Variants in ZDHHC14 observed in about 807,000 individuals in gnomAD.
ZDHHC14 encodes the protein zDHHC palmitoyltransferase 14.
A neutral mutation model predicts 47.7 loss-of-function variants in ZDHHC14; 16 were observed. That is an observed-to-expected ratio of 0.34 (90% CI 0.23 to 0.51). The LOEUF is 0.51. Ranked by LOEUF, ZDHHC14 falls within the 20% of genes least tolerant of loss-of-function variation. ZDHHC14 has a pLI of 0.97. For synonymous variants in ZDHHC14, 293 were observed against 278.9 expected (o/e 1.05, Z -0.50); for missense variants, 515 against 662.5 (o/e 0.78, Z 2.44).
chr6:157,448,801 C>T (rs539462663), intron 1 of ZDHHC14, among the ~76,000 whole-genome samples: 1 of 152,312 alleles, frequency 6.6e-6, no homozygotes, highest in South Asian at 2.1e-4. Context: ...GTCTCAAACT[C>T]CTGACCTCAA....
chr6:157,644,438 C>G (rs1777419150), intron 5 of ZDHHC14, among the ~76,000 whole-genome samples: 1 of 152,254 alleles, frequency 6.6e-6, no homozygotes, highest in Non-Finnish European at 1.5e-5. Flanking sequence ...TCCTGTGTCT[C>G]TCTGGTTCCC....
chr6:157,618,414 T>C (rs992480857), intron 3 of ZDHHC14, among the ~76,000 whole-genome samples: 1 of 152,060 alleles, frequency 6.6e-6, no homozygotes, highest in Non-Finnish European at 1.5e-5. Context: ...CTCCGCCTCC[T>C]GGGTTCAAGT....
At chr6:157,600,416 T>C (rs759936334) in intron 3 of ZDHHC14, among the ~76,000 whole-genome samples, 2 of 152,182 alleles carry the variant, frequency 1.3e-5, no homozygotes, top group Non-Finnish European at 2.9e-5. Context: ...TTTGATAAAA[T>C]GCGACATTTG....
At chr6:157,626,364 G>T (rs573842388) in intron 3 of ZDHHC14, among the ~76,000 whole-genome samples, 1 of 152,078 alleles carries the variant, frequency 6.6e-6, no homozygotes, top group Non-Finnish European at 1.5e-5. Flanking sequence ...TCAAAATGAT[G>T]GCCTCCAAGT....
intron 7 of ZDHHC14, among the ~76,000 whole-genome samples, chr6:157,649,464 C>T (rs566728350): frequency 4.6e-5 from 7 of 152,206 alleles, no homozygotes; most frequent in African/African-American, 1.2e-4. Flanking sequence ...CCCTCCCTCT[C>T]GTCCCCTCTT....
chr6:157,527,188 G>T (rs540224116), intron 1 of ZDHHC14, among the ~76,000 whole-genome samples: 1 of 152,238 alleles, frequency 6.6e-6, no homozygotes, highest in South Asian at 2.1e-4. Flanking sequence ...CTGCAACTGG[G>T]TGCCTGAAAG....
chr6:157,528,528 G>T (rs570796088), intron 1 of ZDHHC14, among the ~76,000 whole-genome samples: 1 of 151,928 alleles, frequency 6.6e-6, no homozygotes, highest in Non-Finnish European at 1.5e-5. Context: ...TCAGGAGATC[G>T]AGACCATCCT....
chr6:157,676,957 A>C lies in ZDHHC14; in HGVS notation c.*3835A>C, dbSNP rs1449399263. 6.6e-6 allele frequency: 1 copy of C among 152,246 alleles called. No individual in the cohort carries two copies. 9.4% of individuals were successfully genotyped at this position (152,246 alleles called of 1,614,324 possible). On this transcript the variant is annotated 3_prime_UTR_variant, in exon 9 of 9. Coordinates refer to ENST00000359775, the MANE Select transcript of ZDHHC14 (RefSeq NM_024630.3). ...GAGCTGCCCTTCATCCATCCACAAG[A>C]ATACATTGAGTTCATTTAGTTCTTG... is the stretch of plus-strand genomic sequence containing the variant.
intron 2 of ZDHHC14, among the ~76,000 whole-genome samples, chr6:157,569,868 TC>T (rs1361945327): frequency 6.6e-6 from 1 of 152,182 alleles, no homozygotes; most frequent in Non-Finnish European, 1.5e-5. Context: ...CTTTGTAGTT[TC>T]CAACTGTTTG....
chr6:157,448,827 C>T (rs1204690371), intron 1 of ZDHHC14, among the ~76,000 whole-genome samples: 1 of 152,218 alleles, frequency 6.6e-6, no homozygotes, highest in Non-Finnish European at 1.5e-5. Context: ...CTGCCCGCCT[C>T]GGCCTTCCAA....
intron 1 of ZDHHC14, among the ~76,000 whole-genome samples, chr6:157,519,935 C>T (rs1022015933): frequency 2.6e-5 from 4 of 152,130 alleles, no homozygotes; most frequent in Non-Finnish European, 5.9e-5. Flanking sequence ...AAGTGAATGC[C>T]CAGAATGCCC....
At chr6:157,566,332 A>C (rs1782901023) in intron 2 of ZDHHC14, among the ~76,000 whole-genome samples, 1 of 152,198 alleles carries the variant, frequency 6.6e-6, no homozygotes, top group African/African-American at 2.4e-5. Context: ...CTCTCAGTCC[A>C]CCAGAGCACG....
chr6:157,579,399 A>G (rs1026968750), intron 2 of ZDHHC14, among the ~76,000 whole-genome samples: 41 of 151,870 alleles, frequency 2.7e-4, no homozygotes, highest in Admixed American at 8.5e-4. Context: ...GGGTTTCACC[A>G]TGTTAGCCAG....
rs201363647 is a variant in ZDHHC14 at position 157,545,689 on chromosome 6, A to AG, written c.406+2945dup. Among the ~76,000 whole-genome samples the AG allele has an allele frequency of 7.2e-4, 109 of 151,280 alleles. No homozygotes were observed. The East Asian group carries it at 0.019, about 27-fold the overall frequency. On this transcript the variant is annotated intron_variant, in intron 2 of 8. Transcript: ENST00000359775. ...CTCCCCCTAAAAAAAGAAAAAAAAA[A>AG]GTAGAAGGAGGGTGGGAAGGGAGAG...
At chr6:157,540,906 G>GTATATATATATATATATATA (rs1470065372) in intron 1 of ZDHHC14, among the ~76,000 whole-genome samples, 39 of 127,058 alleles carry the variant, frequency 3.1e-4, no homozygotes, top group Non-Finnish European at 5.1e-4. Context: ...GTGTGTGTGT[G>GTATATATATATATATATATA]TGTGTATATA....
At chr6:157,477,549 TTTTG>T (rs1470708093) in intron 1 of ZDHHC14, among the ~76,000 whole-genome samples, 2 of 152,232 alleles carry the variant, frequency 1.3e-5, no homozygotes, top group Non-Finnish European at 2.9e-5. Flanking sequence ...ACCATCTATG[TTTTG>T]TTTTTCTTGG....
intron 3 of ZDHHC14, among the ~76,000 whole-genome samples, chr6:157,604,617 GGCT>G (rs36055740): frequency 0.29 from 44,312 of 151,366 alleles, 6,984 homozygotes; most frequent in East Asian, 0.57. Flanking sequence ...GCACGATCTC[GGCT>G]GCAACCTCCG....
chr6:157,548,821 C>T (rs1782095246), intron 2 of ZDHHC14, among the ~76,000 whole-genome samples: 1 of 152,210 alleles, frequency 6.6e-6, no homozygotes, highest in Admixed American at 6.5e-5. Flanking sequence ...CCAGCTTAAG[C>T]ACTTACCTGT....
At chr6:157,647,623 C>T (rs766587657) in intron 7 of ZDHHC14, among the ~76,000 whole-genome samples, 1 of 152,176 alleles carries the variant, frequency 6.6e-6, no homozygotes, top group Non-Finnish European at 1.5e-5. Context: ...GAGACAGATG[C>T]CTGTGGCCCT....
Sources: gnomAD v4.1 joint callset for allele counts (sites outside exome capture counted in the v4.1 genomes callset) on GRCh38, gnomAD v4.1.1 for gene constraint, MANE v1.5 for transcripts, NCBI Gene and HGNC (gene_info 2026-07-23, HGNC 2026-07-21) for gene names.